Variants in DENND6A observed in about 807,000 individuals in gnomAD.
DENND6A encodes the protein DENN domain containing 6A.
Under a neutral mutation model 95.5 loss-of-function variants are expected in DENND6A, and 43 were observed. The ratio of observed to expected loss-of-function variants is 0.45; its 90% CI spans 0.35 to 0.58. The LOEUF is 0.58. Ranked by LOEUF, DENND6A falls within the 20% of genes least tolerant of loss-of-function variation. The pLI is 0.00. For missense variants in DENND6A, 574 were observed against 736.0 expected, an observed-to-expected ratio of 0.78 and a Z score of 2.55; for synonymous variants, 257 against 260.4, an observed-to-expected ratio of 0.99 and a Z score of 0.13.
At chr3:57,667,911 T>C (rs921160411) in intron 3 of DENND6A, among the ~76,000 whole-genome samples, 3 of 151,756 alleles carry the variant, frequency 2.0e-5, no homozygotes, top group African/African-American at 7.3e-5. Context: ...ACTAAAAATA[T>C]AAAAATTAGC....
intron 9 of DENND6A, among the ~76,000 whole-genome samples, chr3:57,656,089 C>T (rs986061519): frequency 6.6e-6 from 1 of 152,078 alleles, no homozygotes; most frequent in Non-Finnish European, 1.5e-5. Flanking sequence ...TTTTAAAAGT[C>T]ACATTTATAA....
intron 9 of DENND6A, among the ~76,000 whole-genome samples, chr3:57,656,724 AG>A (rs1559818173): frequency 1.3e-5 from 2 of 152,180 alleles, no homozygotes; most frequent in Non-Finnish European, 2.9e-5. Flanking sequence ...TGGGAGGGCA[AG>A]GCAGGTGGAT....
At position 57,630,454 on chromosome 3, in the gene DENND6A, C is replaced by T; in HGVS notation, c.1587G>A (p.Leu529=). ...AAAGAGCTTCTAGATGGAGTGCCTC[C>T]AATTTTTGGGTCATTTCCTTCCTCC... ...KTRRKEMTQK[L]EALHLEALCE... is the part of the protein sequence containing the mutation. Residue 529 remains leucine, a synonymous_variant, in exon 18 of 20, where the codon TTG becomes TTA. Transcript: ENST00000311128. 1 of 1,595,446 alleles carries T rather than the reference C, an allele frequency of 6.3e-7. No homozygotes were observed. The highest frequency in any genetic ancestry group is 2.2e-5 in the East Asian group (1 of 44,682).
chr3:57,639,504 G>A (rs184965056), intron 12 of DENND6A, among the ~76,000 whole-genome samples: 5 of 152,190 alleles, frequency 3.3e-5, no homozygotes, highest in Admixed American at 1.3e-4. Context: ...TAAATTAGTA[G>A]GCCCAAACCA....
intron 1 of DENND6A, among the ~76,000 whole-genome samples, chr3:57,674,083 T>A (rs561211208): frequency 2.4e-4 from 36 of 151,704 alleles, no homozygotes; most frequent in African/African-American, 6.0e-4. Context: ...AATATTTTTT[T>A]AAAAATACTG....
intron 3 of DENND6A, among the ~76,000 whole-genome samples, chr3:57,669,191 A>G (rs2071573567): frequency 6.6e-6 from 1 of 152,060 alleles, no homozygotes. Context: ...CATTTAATAA[A>G]CACATAAAAA....
intron 9 of DENND6A, among the ~76,000 whole-genome samples, chr3:57,649,783 T>C (rs977493274): frequency 1.3e-4 from 19 of 151,846 alleles, no homozygotes; most frequent in African/African-American, 3.4e-4. Flanking sequence ...CACTCTCTGA[T>C]TCTCCTTGTT....
At chr3:57,676,350 A>G (rs1466517747) in intron 1 of DENND6A, among the ~76,000 whole-genome samples, 1 of 144,066 alleles carries the variant, frequency 6.9e-6, no homozygotes, top group Admixed American at 7.5e-5. Context: ...ACTGCCCTTC[A>G]GCCTGGCAAA....
chr3:57,659,164 CAT>C lies in DENND6A; in HGVS notation c.714_715del (p.Cys239SerfsTer2). On this transcript the variant is annotated frameshift_variant, in exon 8 of 20. Transcript: ENST00000311128. LOFTEE classifies it high-confidence loss of function. ...TTGAGTTGTCCCAGGCTTGTCATGACATGTGGGAATCCGTACCTAAAAGAAAG... is the reference window on the plus strand; with the variant it reads ...TTGAGTTGTCCCAGGCTTGTCATGACGTGGGAATCCGTACCTAAAAGAAAG... 1 of 1,613,966 alleles carries C rather than the reference CAT, an allele frequency of 6.2e-7. No homozygotes were observed. The highest frequency in any genetic ancestry group is 8.5e-7 in the Non-Finnish European group (1 of 1,179,996).
chr3:57,679,884 A>G (rs1301540434), intron 1 of DENND6A, among the ~76,000 whole-genome samples: 2 of 152,212 alleles, frequency 1.3e-5, no homozygotes, highest in Admixed American at 1.3e-4. Context: ...CAAATGCAAC[A>G]GACAGCCTAA....
chr3:57,631,720 T>C (rs1443760653), intron 15 of DENND6A, among the ~76,000 whole-genome samples: 22 of 140,160 alleles, frequency 1.6e-4, no homozygotes, highest in Non-Finnish European at 2.8e-4. Context: ...TGCTCTCTTT[T>C]TTTTTTTTTT....
intron 11 of DENND6A, 95 bp downstream of exon 11, chr3:57,645,566 A>T: frequency 1.2e-6 from 1 of 844,964 alleles, no homozygotes; most frequent in Non-Finnish European, 1.8e-6. Flanking sequence ...CTTTTATAAG[A>T]TCATTCTGCC....
chr3:57,682,281 C>CAAAAAAAAAAAAAAA (rs10618015), intron 1 of DENND6A, among the ~76,000 whole-genome samples: 1 of 53,544 alleles, frequency 1.9e-5, no homozygotes, highest in African/African-American at 8.2e-5. Flanking sequence ...GACTCCGTCT[C>CAAAAAAAAAAAAAAA]AAAAAAAAAA....
In DENND6A at chr3:57,646,394, A is replaced by G; in HGVS notation, c.863T>C (p.Leu288Pro). The G allele has an allele frequency of 6.2e-7, 1 of 1,614,114 alleles. No individual in the cohort carries two copies. The highest frequency in any genetic ancestry group is 8.5e-7 in the Non-Finnish European group (1 of 1,180,000). Residue 288 changes from leucine to proline, a missense_variant, in exon 10 of 20, where the codon CTG (leucine) becomes CCG (proline). Around this residue, in one of 2 missense-constraint regions of DENND6A, gnomAD observed 452 missense variants for 630.9 expected, o/e 0.72. Coordinates refer to ENST00000311128, the MANE Select transcript of DENND6A (RefSeq NM_152678.3). ...CACAAGGGGCTCCCCCAACAGCACC[A>G]GCTCCCAGAGCATCTGACTATGAAG... ...VFLHSQMLWE[L>P]VLLGEPLVVM...
At chr3:57,632,534 T>C (rs1575812882) in intron 15 of DENND6A, among the ~76,000 whole-genome samples, 2 of 152,318 alleles carry the variant, frequency 1.3e-5, no homozygotes, top group East Asian at 3.9e-4. Flanking sequence ...ATAGATTTAA[T>C]GGAATAAATA....
In DENND6A at chr3:57,634,744, C is replaced by A; in HGVS notation, c.1158G>T (p.Val386=). The change falls in exon 13 of 20, where the codon GTG becomes GTT. Residue 386 remains valine (V), a synonymous_variant. Coordinates refer to ENST00000311128, the MANE Select transcript of DENND6A (RefSeq NM_152678.3). ...PTGEIPKQVK[V]KKLKNLKTLD... is the part of the protein sequence containing the mutation. ...GAGTCTTTAGATTCTTCAGTTTTTTCACTTTAACCTGCTTAGGAATTTCAC... is the reference window on the plus strand; with the variant it reads ...GAGTCTTTAGATTCTTCAGTTTTTTAACTTTAACCTGCTTAGGAATTTCAC... 6.4e-7 allele frequency: 1 copy of A among 1,570,052 alleles called. No individual in the cohort carries two copies. The highest frequency in any genetic ancestry group is 8.6e-7 in the Non-Finnish European group (1 of 1,158,584).
intron 1 of DENND6A, among the ~76,000 whole-genome samples, chr3:57,686,523 A>G (rs576697964): frequency 6.6e-6 from 1 of 152,310 alleles, no homozygotes; most frequent in South Asian, 2.1e-4. Flanking sequence ...AGCCTACATT[A>G]AGCAAGTCTA....
At chr3:57,632,646 T>C (rs931522644) in intron 15 of DENND6A, among the ~76,000 whole-genome samples, 6 of 152,224 alleles carry the variant, frequency 3.9e-5, no homozygotes, top group African/African-American at 1.4e-4. Context: ...TTACTTTATA[T>C]TAATAACTGC....
intron 8 of DENND6A, 95 bp downstream of exon 8, chr3:57,659,023 G>A: frequency 1.8e-6 from 2 of 1,127,588 alleles, no homozygotes; most frequent in Non-Finnish European, 1.3e-6. Context: ...TCAGAAATAT[G>A]TAATAAACTC....
Sources: allele counts gnomAD v4.1 joint callset (sites outside exome capture counted in the v4.1 genomes callset), GRCh38; gene constraint gnomAD v4.1.1; regional missense constraint gnomAD v4.1.1; transcripts MANE v1.5; gene names NCBI Gene and HGNC (gene_info 2026-07-23, HGNC 2026-07-21).